The following KAZN variants were observed in gnomAD, a reference collection of about 807,000 sequenced individuals.
The protein encoded by KAZN is kazrin.
In KAZN, 40 loss-of-function variants were observed where a neutral mutation model predicts 87.4. That is an observed-to-expected ratio of 0.46 (90% CI 0.36 to 0.60). KAZN has a LOEUF of 0.60. Among genes scored for constraint, KAZN ranks in the 20% least tolerant of loss-of-function variants. The pLI is 0.00. For synonymous variants in KAZN, 466 were observed against 458.3 expected, an observed-to-expected ratio of 1.02 and a Z score of -0.22; for missense variants, 898 against 1,073.9, an observed-to-expected ratio of 0.84 and a Z score of 2.29.
chr1:15,015,082 A>C (rs1669939167), intron 2 of KAZN, among the ~76,000 whole-genome samples: 1 of 152,136 alleles, frequency 6.6e-6, no homozygotes, highest in Non-Finnish European at 1.5e-5. Context: ...TATGAACTAA[A>C]GACTGCTTTT....
At chr1:14,716,703 C>A (rs1642815634) in intron 1 of KAZN, among the ~76,000 whole-genome samples, 2 of 152,164 alleles carry the variant, frequency 1.3e-5, no homozygotes, top group South Asian at 4.2e-4. Flanking sequence ...CCGTCCTTTC[C>A]TGTGTTCCCT....
intron 2 of KAZN, among the ~76,000 whole-genome samples, chr1:14,371,575 G>A (rs1481152097): frequency 2.0e-5 from 3 of 152,070 alleles, no homozygotes; most frequent in African/African-American, 7.2e-5. Flanking sequence ...GTCTAAAGAA[G>A]AGAGTTTCTT....
intron 1 of KAZN, among the ~76,000 whole-genome samples, chr1:14,135,329 T>C (rs10737919): frequency 0.57 from 86,826 of 151,698 alleles, 26,105 homozygotes; most frequent in East Asian, 0.76. Flanking sequence ...ATGACACAGA[T>C]TTAAAGTCAG....
chr1:14,416,875 A>AG (rs1664811232), intron 2 of KAZN, among the ~76,000 whole-genome samples: 1 of 152,058 alleles, frequency 6.6e-6, no homozygotes, highest in South Asian at 2.1e-4. Context: ...AGATCACTTG[A>AG]GATCAGGAGT....
intron 1 of KAZN, among the ~76,000 whole-genome samples, chr1:14,857,662 C>G (rs1650294011): frequency 6.6e-6 from 1 of 152,166 alleles, no homozygotes; most frequent in South Asian, 2.1e-4. Context: ...CTGTGACTTT[C>G]TCCCAATGAA....
At chr1:14,569,587 G>C (rs980741424) in intron 2 of KAZN, among the ~76,000 whole-genome samples, 1 of 151,584 alleles carries the variant, frequency 6.6e-6, no homozygotes, top group Admixed American at 6.6e-5. Context: ...CTCCCAAAGT[G>C]CTAGGATTAC....
chr1:14,389,554 T>C lies in KAZN; in HGVS notation c.249+208962T>C, dbSNP rs191414355. Reference sequence around the variant, plus strand: ...CAAGATCCTGTCATTTGTAACAACATGGATGAAACTGGAGGCCATTATGTT... The same window carrying C: ...CAAGATCCTGTCATTTGTAACAACACGGATGAAACTGGAGGCCATTATGTT... On this transcript the variant is annotated intron_variant, in intron 2 of 16. Transcript: ENST00000636203. Among the ~76,000 whole-genome samples, 443 of 152,264 alleles carry C rather than the reference T, an allele frequency of 2.9e-3. 1 individual carries two copies. Among genetic ancestry groups the C allele is most frequent in the African/African-American group, 9.7e-3 (402 of 41,550 alleles).
chr1:14,782,660 C>T (rs1474608557), intron 1 of KAZN, among the ~76,000 whole-genome samples: 2 of 151,708 alleles, frequency 1.3e-5, no homozygotes, highest in Non-Finnish European at 2.9e-5. Flanking sequence ...TTGAAGAGGC[C>T]TATAAAAGCA....
At chr1:14,401,263 C>T (rs1417767624) in intron 2 of KAZN, among the ~76,000 whole-genome samples, 4 of 152,090 alleles carry the variant, frequency 2.6e-5, no homozygotes, top group African/African-American at 9.7e-5. Flanking sequence ...TTAAGGTTGA[C>T]TTTCAGCAAA....
chr1:14,231,347 T>G (rs1647811721), intron 2 of KAZN, among the ~76,000 whole-genome samples: 1 of 151,876 alleles, frequency 6.6e-6, no homozygotes, highest in Non-Finnish European at 1.5e-5. Flanking sequence ...TATCTTCCCC[T>G]CCCCTTGTAA....
intron 2 of KAZN, among the ~76,000 whole-genome samples, chr1:14,568,891 A>G (rs1310258808): frequency 1.3e-5 from 2 of 152,248 alleles, no homozygotes. Flanking sequence ...ATTCAGCCAC[A>G]AACACTGATT....
rs537022078 is a variant in KAZN, at chr1:14,959,076, G to A, written c.227-1608G>A. Among the ~76,000 whole-genome samples, 15 of 152,376 alleles carry A rather than the reference G, an allele frequency of 9.8e-5. No individual in the cohort carries two copies. The South Asian group carries it at 2.9e-3, about 29-fold the overall frequency. Reference sequence around the variant, plus strand: ...CATGACAGGCGCTGATGAGTGCTGCGGAGAAAGAGCAAAGAGGAAGGAGGC... The same window carrying A: ...CATGACAGGCGCTGATGAGTGCTGCAGAGAAAGAGCAAAGAGGAAGGAGGC... On this transcript the variant is annotated intron_variant, in intron 1 of 14. Transcript: ENST00000376030.
At chr1:13,907,866 T>C (rs1401306325) in intron 1 of KAZN, among the ~76,000 whole-genome samples, 3 of 152,186 alleles carry the variant, frequency 2.0e-5, no homozygotes, top group East Asian at 3.9e-4. Context: ...CTTGTGCCCC[T>C]GTTGGGTGAG....
chr1:14,489,619 A>C (rs972279414), intron 2 of KAZN, among the ~76,000 whole-genome samples: 1 of 151,870 alleles, frequency 6.6e-6, no homozygotes, highest in East Asian at 1.9e-4. Flanking sequence ...CTGTAATCCC[A>C]GCTACTTGGG....
chr1:14,641,257 C>A (rs1038620105), intron 1 of KAZN, among the ~76,000 whole-genome samples: 2 of 152,138 alleles, frequency 1.3e-5, no homozygotes, highest in Non-Finnish European at 2.9e-5. Flanking sequence ...AGGAGGTAGA[C>A]TGGCCAGGCA....
intron 1 of KAZN, among the ~76,000 whole-genome samples, chr1:14,865,594 T>C (rs1489292761): frequency 6.6e-6 from 1 of 152,114 alleles, no homozygotes; most frequent in Non-Finnish European, 1.5e-5. Context: ...ACGTCTCATC[T>C]CTTTCTGAGG....
At chr1:14,962,690 T>A (rs181586941) in intron 2 of KAZN, among the ~76,000 whole-genome samples, 168 of 152,280 alleles carry the variant, frequency 1.1e-3, no homozygotes, top group Admixed American at 0.01. Context: ...AGCAGCCAGA[T>A]GCTGTTCAAT....
At position 14,585,934 on chromosome 1, in the gene KAZN, C is replaced by T. The variant is rs188014702; in HGVS notation, c.250-13049C>T. Reference sequence around the variant, plus strand: ...CCCAACACCTTCCCAGAACTGCACACGCCATCTCGAGGCAGCAGCTCCGTG... The same window carrying T: ...CCCAACACCTTCCCAGAACTGCACATGCCATCTCGAGGCAGCAGCTCCGTG... On this transcript the variant is annotated intron_variant, in intron 2 of 16. Coordinates refer to the KAZN transcript ENST00000636203. Among the ~76,000 whole-genome samples the T allele has an allele frequency of 1.8e-3, 273 of 152,300 alleles. 1 individual carries two copies. Among genetic ancestry groups the T allele is most frequent in the Middle Eastern group, 6.8e-3 (2 of 294 alleles).
chr1:14,513,203 AC>A (rs1324860738), intron 2 of KAZN, among the ~76,000 whole-genome samples: 1 of 151,746 alleles, frequency 6.6e-6, no homozygotes, highest in Non-Finnish European at 1.5e-5. Context: ...ATTAGGGCAA[AC>A]CGGCTTCTCC....
Sources: allele counts gnomAD v4.1 joint callset (sites outside exome capture counted in the v4.1 genomes callset), GRCh38; gene constraint gnomAD v4.1.1; transcripts MANE v1.5; gene names NCBI Gene and HGNC (gene_info 2026-07-23, HGNC 2026-07-21).